Variants in NMT1 observed in about 807,000 individuals in gnomAD.
NMT1 encodes the protein N-myristoyltransferase 1, also known as glycylpeptide N-tetradecanoyltransferase 1.
Under a neutral mutation model 63.4 loss-of-function variants are expected in NMT1, and 12 were observed. The ratio of observed to expected loss-of-function variants is 0.19; its 90% CI spans 0.12 to 0.31. The LOEUF (loss-of-function observed/expected upper bound fraction) is 0.31. Ranked by LOEUF, NMT1 falls within the 10% of genes least tolerant of loss-of-function variation. The pLI is 1.00. For synonymous variants in NMT1, 228 were observed against 234.3 expected, an observed-to-expected ratio of 0.97 and a Z score of 0.25; for missense variants, 432 against 634.6, an observed-to-expected ratio of 0.68 and a Z score of 3.43.
At position 45,107,414 on chromosome 17, in the gene NMT1, C is replaced by T. The variant is rs1448418611; in HGVS notation, c.*1775C>T. On this transcript the variant is annotated 3_prime_UTR_variant, in exon 12 of 12. Transcript: ENST00000258960. ...GTTCCTGCGCTGCAAATTGCAGGCCCCAGCAATCGTGACTGACGTTTGCTC... is the reference window on the plus strand; with the variant it reads ...GTTCCTGCGCTGCAAATTGCAGGCCTCAGCAATCGTGACTGACGTTTGCTC... The T allele has an allele frequency of 3.3e-5, 5 of 152,692 alleles. No homozygotes were observed. The highest frequency in any genetic ancestry group is 6.5e-5 in the Admixed American group (1 of 15,288). The allele number at this position is 152,692 out of a possible 1,614,324, so 9.5% of individuals were successfully genotyped here.
rs1033099011 is a variant in NMT1, at chr17:45,107,662, C to G, written c.*2023C>G. 6.6e-6 allele frequency: 1 copy of G among 152,320 alleles called. No individual in the cohort carries two copies. The highest frequency in any genetic ancestry group is 1.5e-5 in the Non-Finnish European group (1 of 68,096). The allele number at this position is 152,320 out of a possible 1,614,324, so 9.4% of individuals were successfully genotyped here. A position where few individuals can be genotyped will look rare whatever the true frequency, so the allele number is the denominator to read the frequency against. On this transcript the variant is annotated 3_prime_UTR_variant, in exon 12 of 12. Coordinates refer to ENST00000258960, the MANE Select transcript of NMT1 (RefSeq NM_021079.5). The stretch of plus-strand genomic sequence containing the variant: ...TTTCCTACCTTGGGGGAACCTGGAA[C>G]TTGGAAAGGCTCCCTGTCCTAGTCT...
intron 4 of NMT1, among the ~76,000 whole-genome samples, chr17:45,095,065 C>G (rs2054115521): frequency 6.6e-6 from 1 of 151,552 alleles, no homozygotes; most frequent in Non-Finnish European, 1.5e-5. Flanking sequence ...CCCATCTCGG[C>G]CTCCCAAAGT....
At chr17:45,080,470 T>C (rs1302003730) in intron 1 of NMT1, among the ~76,000 whole-genome samples, 11 of 143,422 alleles carry the variant, frequency 7.7e-5, no homozygotes, top group Admixed American at 2.8e-4. Flanking sequence ...TTTTCCTTTT[T>C]TTTTTTTTTT....
At chr17:45,067,342 G>A (rs1355425544) in intron 1 of NMT1, among the ~76,000 whole-genome samples, 1 of 152,116 alleles carries the variant, frequency 6.6e-6, no homozygotes, top group African/African-American at 2.4e-5. Context: ...ATTTTGCAGT[G>A]TCTTCAGTGT....
chr17:45,092,549 C>A (rs910092897), intron 3 of NMT1, among the ~76,000 whole-genome samples: 209 of 143,946 alleles, frequency 1.5e-3, no homozygotes, highest in Middle Eastern at 7.1e-3. Flanking sequence ...AAAAAAAAAA[C>A]AAAACACCAA....
At chr17:45,100,115 G>A (rs1029170524) in intron 8 of NMT1, among the ~76,000 whole-genome samples, 8 of 151,944 alleles carry the variant, frequency 5.3e-5, no homozygotes, top group Admixed American at 2.6e-4. Flanking sequence ...TTGAGACAGG[G>A]TCTCATTCTG....
intron 8 of NMT1, among the ~76,000 whole-genome samples, chr17:45,101,496 G>A (rs140693569): frequency 0.025 from 3,791 of 150,672 alleles, 155 homozygotes; most frequent in African/African-American, 0.084. Flanking sequence ...GTATGTGCCT[G>A]TAATCCCAGC....
intron 1 of NMT1, among the ~76,000 whole-genome samples, chr17:45,072,379 C>A (rs771264366): frequency 1.6e-4 from 24 of 151,596 alleles, no homozygotes; most frequent in Non-Finnish European, 3.4e-4. Context: ...TCTGCCTCAG[C>A]CTCCCAAGTA....
At chr17:45,065,394 C>T (rs62065837) in intron 1 of NMT1, among the ~76,000 whole-genome samples, 23,396 of 151,904 alleles carry the variant, frequency 0.15, 2,075 homozygotes, top group Non-Finnish European at 0.2. Flanking sequence ...GAGGCTAAGG[C>T]GGGCGGGATC....
chr17:45,079,932 T>C (rs1016792065), intron 1 of NMT1, among the ~76,000 whole-genome samples: 4 of 152,142 alleles, frequency 2.6e-5, no homozygotes, highest in African/African-American at 9.7e-5. Context: ...TCTCCTGACC[T>C]AGTGATCCGC....
rs2054199689 is a variant in NMT1, at chr17:45,105,823, G to A, written c.*184G>A. On this transcript the variant is annotated 3_prime_UTR_variant, in exon 12 of 12. Transcript: ENST00000258960. The surrounding 1 kb of genome is among the most constrained non-coding windows in gnomAD (Gnocchi z 4.2). ...ATTGCGATGGCGTGGGCTGCGTGAC[G>A]TCACCTCCGGTCGTGTCTCTGGTCT... The A allele has an allele frequency of 3.5e-6, 2 of 574,294 alleles. No homozygotes were observed. Among genetic ancestry groups the A allele is most frequent in the Admixed American group, 3.5e-5 (1 of 28,372 alleles). 35.6% of individuals were successfully genotyped at this position (574,294 alleles called of 1,614,324 possible).
In NMT1 at chr17:45,081,657, G is replaced by A; in HGVS notation, c.145G>A (p.Ala49Thr). The change falls in exon 2 of 12, where the codon GCC (alanine) becomes ACC (threonine). Residue 49 changes from alanine to threonine, a missense_variant. Transcript: ENST00000258960. ...NSYNRGGLSP[A>T]NDTGAKKKKK... ...TTTTTGTTACAGTGGTTTGAGTCCAGCCAATGACACTGGAGCCAAAAAGAA... is the reference window on the plus strand; with the variant it reads ...TTTTTGTTACAGTGGTTTGAGTCCAACCAATGACACTGGAGCCAAAAAGAA... 1 of 1,612,964 alleles carries A rather than the reference G, an allele frequency of 6.2e-7. No homozygotes were observed. The highest frequency in any genetic ancestry group is 8.5e-7 in the Non-Finnish European group (1 of 1,179,690).
In NMT1 at chr17:45,103,173, C is replaced by T. The variant is rs2054179210; in HGVS notation, c.1164+52C>T. ...CTCTAACACGTTCCCAGAGAGGCAC[C>T]CCCCTGAGTGGCCGGGTTCCCAGGG... On this transcript the variant is annotated intron_variant, in intron 9 of 11. Transcript: ENST00000258960. The surrounding 1 kb of genome is among the most constrained non-coding windows in gnomAD (Gnocchi z 4.8). The T allele has an allele frequency of 1.3e-6, 2 of 1,550,672 alleles. No individual in the cohort carries two copies. Among genetic ancestry groups the T allele is most frequent in the African/African-American group, 1.4e-5 (1 of 73,916 alleles).
Position 45,107,391 on chromosome 17 carries a change from TC to T in NMT1, c.*1754del, listed in dbSNP as rs1316745110. On this transcript the variant is annotated 3_prime_UTR_variant, in exon 12 of 12. Transcript: ENST00000258960. ...GCAGGGCCCTCCCTTTTCCCATTGT[TC>T]CTGCGCTGCAAATTGCAGGCCCCAG... 4 of 152,676 alleles carry T rather than the reference TC, an allele frequency of 2.6e-5. No homozygotes were observed. Among genetic ancestry groups the T allele is most frequent in the Non-Finnish European group, 5.9e-5 (4 of 68,046 alleles). The allele number at this position is 152,676 out of a possible 1,614,324, so 9.5% of individuals were successfully genotyped here.
chr17:45,078,199 C>T (rs1011627606), intron 1 of NMT1, among the ~76,000 whole-genome samples: 3 of 152,164 alleles, frequency 2.0e-5, no homozygotes, highest in African/African-American at 7.2e-5. Context: ...GGGCTTGATA[C>T]CTTCCAAGTT....
At position 45,104,257 on chromosome 17, in the gene NMT1, G is replaced by A. The variant is rs1004584981; in HGVS notation, c.1332+381G>A. On this transcript the variant is annotated intron_variant, in intron 10 of 11. Coordinates refer to ENST00000258960, the MANE Select transcript of NMT1 (RefSeq NM_021079.5). This position sits in a 1 kb window ranked among gnomAD's most constrained non-coding sequence, Gnocchi z 4.2. ...ATTGGAGCATCCAACTGCCAGTAGC[G>A]GATGGCGAGCCCGTCTGTCAGTGCT... The A allele has an allele frequency of 4.3e-5, 51 of 1,196,594 alleles. No individual in the cohort carries two copies. Among genetic ancestry groups the A allele is most frequent in the Non-Finnish European group, 4.5e-5 (43 of 950,364 alleles). The allele number at this position is 1,196,594 out of a possible 1,614,324, so 74.1% of individuals were successfully genotyped here. A position where few individuals can be genotyped will look rare whatever the true frequency, so the allele number is the denominator to read the frequency against.
At chr17:45,081,992 A>T (rs959132728) in intron 2 of NMT1, among the ~76,000 whole-genome samples, 5 of 152,172 alleles carry the variant, frequency 3.3e-5, no homozygotes, top group African/African-American at 1.2e-4. Context: ...ATCAGAATGG[A>T]CAGGTGCGTA....
intron 8 of NMT1, 119 bp downstream of exon 8, chr17:45,099,632 C>A: frequency 1.4e-6 from 1 of 696,480 alleles, no homozygotes; most frequent in South Asian, 1.6e-5. Context: ...AAAAGCGAAC[C>A]AGCCCATAGT....
In NMT1 at chr17:45,086,687, G is replaced by A. The variant is rs991654189; in HGVS notation, c.385+35G>A. On this transcript the variant is annotated intron_variant, in intron 3 of 11. Coordinates refer to ENST00000258960, the MANE Select transcript of NMT1 (RefSeq NM_021079.5). ...TGCTTGCTTTCTTTGCCAGGTCAGG[G>A]GCGAGGGATCTGCCTCAGCTGTGCC... 3 of 1,579,232 alleles carry A rather than the reference G, an allele frequency of 1.9e-6. No homozygotes were observed. In the Admixed American group the frequency reaches 5.5e-5, roughly 29 times the overall value.
Sources: gnomAD v4.1 joint callset for allele counts (sites outside exome capture counted in the v4.1 genomes callset) on GRCh38, gnomAD v4.1.1 for gene constraint, Gnocchi (gnomAD v3.1) non-coding constraint, MANE v1.5 for transcripts, NCBI Gene and HGNC (gene_info 2026-07-23, HGNC 2026-07-21) for gene names.